The following ZNF652 variants were observed in gnomAD, a reference collection of about 807,000 sequenced individuals.
The protein encoded by ZNF652 is zinc finger protein 652.
In ZNF652, 16 loss-of-function variants were observed where a neutral mutation model predicts 45.2. The ratio of observed to expected loss-of-function variants is 0.35; its 90% CI spans 0.24 to 0.54. The LOEUF is 0.54. ZNF652 is among the 20% of genes least tolerant of loss of function. ZNF652 has a pLI of 0.91. For missense variants in ZNF652, 614 were observed against 765.6 expected (o/e 0.80, Z 2.34); for synonymous variants, 250 against 260.6 (o/e 0.96, Z 0.39).
In ZNF652 at chr17:49,294,947, G is replaced by T. The variant is rs1338539850; in HGVS notation, c.*3466C>A. The T allele has an allele frequency of 6.6e-6, 1 of 152,140 alleles. No homozygotes were observed. Among genetic ancestry groups the T allele is most frequent in the Non-Finnish European group, 1.5e-5 (1 of 68,032 alleles). The allele number at this position is 152,140 out of a possible 1,614,324, so 9.4% of individuals were successfully genotyped here. ...GGGGTGCTGTAGCATATATGGAAGA[G>T]AACATACCACATAATGCAACTTTTA... On this transcript the variant is annotated 3_prime_UTR_variant, in exon 6 of 6. Transcript: ENST00000430262.
intron 3 of ZNF652, among the ~76,000 whole-genome samples, chr17:49,312,441 C>T (rs1379174855): frequency 6.6e-6 from 1 of 152,108 alleles, no homozygotes; most frequent in Non-Finnish European, 1.5e-5. Flanking sequence ...GCTGGGATTA[C>T]AGGTGTGAGC....
intron 1 of ZNF652, among the ~76,000 whole-genome samples, chr17:49,350,053 G>A (rs1340951483): frequency 6.6e-6 from 1 of 152,182 alleles, no homozygotes; most frequent in African/African-American, 2.4e-5. Context: ...AAGGATATTA[G>A]CTGAAAAACT....
In ZNF652 at chr17:49,311,929, C is replaced by T. The variant is rs761446190; in HGVS notation, c.1162G>A (p.Glu388Lys). 5.0e-6 allele frequency: 8 copies of T among 1,611,436 alleles called. No individual in the cohort carries two copies. The highest frequency in any genetic ancestry group is 1.7e-5 in the Admixed American group (1 of 59,862). The change falls in exon 4 of 6, where the codon GAG becomes AAG. Residue 388 changes from glutamate (E) to lysine (K), a missense_variant and splice_region_variant. Physicochemically the swap from Glu to Lys is moderately conservative, Grantham distance 56 (BLOSUM62 1). Coordinates refer to ENST00000430262, the MANE Select transcript of ZNF652 (RefSeq NM_001145365.3). ...QHSGEKPFRC[E>K]NCDERFQYKY... ...CCTGTAGGTAGCACATTCCTTACCTCGCATCTAAAGGGCTTCTCTCCAGAA... is the reference window on the plus strand; with the variant it reads ...CCTGTAGGTAGCACATTCCTTACCTTGCATCTAAAGGGCTTCTCTCCAGAA...
At chr17:49,344,613 C>T (rs2070185534) in intron 1 of ZNF652, among the ~76,000 whole-genome samples, 1 of 150,744 alleles carries the variant, frequency 6.6e-6, no homozygotes, top group Non-Finnish European at 1.5e-5. Context: ...CTCTGCCTCC[C>T]GGGTTCAAGC....
chr17:49,326,379 G>A (rs985698838), intron 1 of ZNF652, among the ~76,000 whole-genome samples: 12 of 152,152 alleles, frequency 7.9e-5, no homozygotes, highest in Non-Finnish European at 1.5e-4. Flanking sequence ...ACCAGCTTGG[G>A]CTAAGAGAGA....
At chr17:49,351,019 ACACACACAC>A (rs1567700328) in intron 1 of ZNF652, among the ~76,000 whole-genome samples, 162 of 25,246 alleles carry the variant, frequency 6.4e-3, no homozygotes, top group South Asian at 0.016. Flanking sequence ...ATATATACAC[ACACACACAC>A]ACACACACAC....
chr17:49,359,378 T>C (rs945232178), intron 1 of ZNF652, among the ~76,000 whole-genome samples: 4 of 152,218 alleles, frequency 2.6e-5, no homozygotes, highest in South Asian at 4.1e-4. Context: ...GAATAAATGC[T>C]ATTCTTCAGG....
intron 2 of ZNF652, among the ~76,000 whole-genome samples, chr17:49,315,156 C>T (rs561978650): frequency 3.2e-4 from 49 of 151,978 alleles, no homozygotes; most frequent in Admixed American, 9.8e-4. Flanking sequence ...ATTCTCCTGC[C>T]TCAGCCTCCT....
At chr17:49,304,062 T>TTTTG (rs1555625467) in intron 5 of ZNF652, among the ~76,000 whole-genome samples, 52 of 135,832 alleles carry the variant, frequency 3.8e-4, no homozygotes, top group African/African-American at 1.4e-3. Context: ...CTAATTTTTT[T>TTTTG]TTTTTTTTTT....
intron 1 of ZNF652, among the ~76,000 whole-genome samples, 200 bp downstream of exon 1, chr17:49,361,709 G>A (rs2070397350): frequency 1.3e-5 from 2 of 152,084 alleles, no homozygotes; most frequent in Admixed American, 6.5e-5. Flanking sequence ...CCCAGCCCAA[G>A]CTGGGTGCCT....
At chr17:49,307,259 C>A (rs1287109952) in intron 5 of ZNF652, among the ~76,000 whole-genome samples, 6 of 150,962 alleles carry the variant, frequency 4.0e-5, no homozygotes, top group Admixed American at 4.0e-4. Flanking sequence ...CGGTGAAACC[C>A]CGTTTCTACT....
chr17:49,290,824 T>C lies in ZNF652; in HGVS notation c.*7589A>G, dbSNP rs1043170893. On this transcript the variant is annotated 3_prime_UTR_variant, in exon 6 of 6. Transcript: ENST00000430262. Reference sequence around the variant, plus strand: ...AATAATCAAAATACATGAATAAGCTTTGAGCTAAGAGGCTATTCCAGAAGA... The same window carrying C: ...AATAATCAAAATACATGAATAAGCTCTGAGCTAAGAGGCTATTCCAGAAGA... 3 of 152,166 alleles carry C rather than the reference T, an allele frequency of 2.0e-5. No homozygotes were observed. Among genetic ancestry groups the C allele is most frequent in the African/African-American group, 7.2e-5 (3 of 41,440 alleles). The allele number at this position is 152,166 out of a possible 1,614,324, so 9.4% of individuals were successfully genotyped here.
At chr17:49,308,031 G>A (rs1307440240) in intron 5 of ZNF652, among the ~76,000 whole-genome samples, 1 of 151,810 alleles carries the variant, frequency 6.6e-6, no homozygotes, top group Non-Finnish European at 1.5e-5. Flanking sequence ...CAAAGTATTG[G>A]TCTATATGTG....
chr17:49,334,064 C>G (rs568052009), intron 1 of ZNF652, among the ~76,000 whole-genome samples: 14 of 152,094 alleles, frequency 9.2e-5, no homozygotes, highest in Non-Finnish European at 2.1e-4. Context: ...CATACGAAAA[C>G]TTGTAAACAA....
At chr17:49,336,354 C>T (rs574597327) in intron 1 of ZNF652, among the ~76,000 whole-genome samples, 3 of 132,076 alleles carry the variant, frequency 2.3e-5, no homozygotes, top group Non-Finnish European at 4.7e-5. Flanking sequence ...GACAGAGTCT[C>T]ACTCTGTCAC....
chr17:49,304,055 A>T (rs1234804737), intron 5 of ZNF652, among the ~76,000 whole-genome samples: 2 of 117,422 alleles, frequency 1.7e-5, no homozygotes, highest in African/African-American at 3.2e-5. Flanking sequence ...TGCCTGGCTA[A>T]TTTTTTTTTT....
At chr17:49,343,173 C>T (rs1262537026) in intron 1 of ZNF652, among the ~76,000 whole-genome samples, 1 of 152,204 alleles carries the variant, frequency 6.6e-6, no homozygotes, top group Non-Finnish European at 1.5e-5. Context: ...TGGGCCACCG[C>T]ATCCGGCCCA....
chr17:49,317,755 C>T lies in ZNF652; in HGVS notation c.-30G>A, dbSNP rs746484259. On this transcript the variant is annotated 5_prime_UTR_variant, in exon 2 of 6. Coordinates refer to ENST00000430262, the MANE Select transcript of ZNF652 (RefSeq NM_001145365.3). ...AAGTGGCCCAATTTATTAAACAGTT[C>T]AGACTATAAAGAAATAGCTTTAAAA... The T allele has an allele frequency of 1.5e-5, 23 of 1,519,696 alleles. No individual in the cohort carries two copies. Among genetic ancestry groups the T allele is most frequent in the Non-Finnish European group, 1.7e-5 (19 of 1,133,236 alleles). The allele number at this position is 1,519,696 out of a possible 1,614,324, so 94.1% of individuals were successfully genotyped here. A position where few individuals can be genotyped will look rare whatever the true frequency, so the allele number is the denominator to read the frequency against.
At chr17:49,353,591 T>C (rs1030551442) in intron 1 of ZNF652, among the ~76,000 whole-genome samples, 2 of 152,132 alleles carry the variant, frequency 1.3e-5, no homozygotes, top group Non-Finnish European at 2.9e-5. Flanking sequence ...TTAAGCACTA[T>C]ATAGGGCAGT....
Sources: gnomAD v4.1 joint callset for allele counts (sites outside exome capture counted in the v4.1 genomes callset) on GRCh38, gnomAD v4.1.1 for gene constraint, MANE v1.5 for transcripts, NCBI Gene and HGNC (gene_info 2026-07-23, HGNC 2026-07-21) for gene names.